The following ARHGAP8 variants were observed in gnomAD, a reference collection of about 807,000 sequenced individuals.
ARHGAP8 encodes the protein rho GTPase-activating protein 8.
Under a neutral mutation model 46.1 loss-of-function variants are expected in ARHGAP8, and 62 were observed. The observed-to-expected ratio is 1.34, with a 90% CI of 1.10 to 1.66. The LOEUF (loss-of-function observed/expected upper bound fraction) is 1.66, where lower values mean the gene tolerates loss of function less well. Ranked by LOEUF, ARHGAP8 falls within the 40% of genes most tolerant of loss-of-function variation. The pLI, the probability that ARHGAP8 is intolerant of heterozygous loss-of-function variation, is 0.00. For missense variants in ARHGAP8, 923 were observed against 568.4 expected (o/e 1.62, Z -6.34); for synonymous variants, 375 against 243.1 (o/e 1.54, Z -5.05).
chr22:44,841,268 C>T (rs558659181), intron 7 of ARHGAP8, among the ~76,000 whole-genome samples: 15 of 152,230 alleles, frequency 9.9e-5, no homozygotes, highest in South Asian at 8.3e-4. Flanking sequence ...AGTCTCTGTG[C>T]GAGCGTGATT....
intron 3 of ARHGAP8, among the ~76,000 whole-genome samples, chr22:44,804,634 G>T (rs1215581636): frequency 3.3e-5 from 5 of 152,206 alleles, no homozygotes; most frequent in African/African-American, 1.2e-4. Context: ...CGGGGAGGCT[G>T]TGCCTGCCAC....
At chr22:44,806,825 G>A (rs547755055) in intron 3 of ARHGAP8, among the ~76,000 whole-genome samples, 16 of 152,080 alleles carry the variant, frequency 1.1e-4, no homozygotes, top group Non-Finnish European at 1.5e-4. Context: ...TTAGCCGGGC[G>A]TGGTGGCAGG....
intron 1 of ARHGAP8, among the ~76,000 whole-genome samples, chr22:44,785,617 G>A (rs577815008): frequency 6.6e-6 from 1 of 152,256 alleles, no homozygotes; most frequent in Admixed American, 6.5e-5. Context: ...AGCTCCAGGA[G>A]GAATACTGGG....
At chr22:44,803,030 G>A (rs1389142765) in intron 3 of ARHGAP8, among the ~76,000 whole-genome samples, 2 of 152,278 alleles carry the variant, frequency 1.3e-5, no homozygotes, top group East Asian at 3.9e-4. Flanking sequence ...TGGCTCAGCA[G>A]GCATCTATTG....
At chr22:44,765,689 G>A (rs1925501480) in intron 1 of ARHGAP8, among the ~76,000 whole-genome samples, 1 of 152,182 alleles carries the variant, frequency 6.6e-6, no homozygotes. Flanking sequence ...AAGGACAGGA[G>A]CAGCCCTCGT....
intron 2 of ARHGAP8, among the ~76,000 whole-genome samples, chr22:44,796,166 C>A (rs2147068032): frequency 6.6e-6 from 1 of 152,314 alleles, no homozygotes; most frequent in Admixed American, 6.5e-5. Flanking sequence ...CCTCAGTGAC[C>A]AGGGGTCCCA....
At chr22:44,806,150 G>A (rs1356069347) in intron 3 of ARHGAP8, among the ~76,000 whole-genome samples, 1 of 152,208 alleles carries the variant, frequency 6.6e-6, no homozygotes, top group East Asian at 1.9e-4. Flanking sequence ...GTGAGGAGGA[G>A]TGAAGAGTTC....
chr22:44,807,110 C>T (rs951374536), intron 3 of ARHGAP8, among the ~76,000 whole-genome samples: 2 of 152,194 alleles, frequency 1.3e-5, no homozygotes, highest in Non-Finnish European at 2.9e-5. Flanking sequence ...CTTCTGTCTG[C>T]AGAGCACCCC....
intron 1 of ARHGAP8, among the ~76,000 whole-genome samples, chr22:44,763,984 T>G (rs1925355918): frequency 6.6e-6 from 1 of 151,922 alleles, no homozygotes; most frequent in Admixed American, 6.6e-5. Context: ...CTAATTTTTT[T>G]TGTATTTTTA....
intron 5 of ARHGAP8, among the ~76,000 whole-genome samples, chr22:44,816,923 T>TC (rs1469206826): frequency 2.0e-5 from 3 of 150,336 alleles, no homozygotes; most frequent in Non-Finnish European, 3.0e-5. Flanking sequence ...CTCGCTTTTG[T>TC]CCCCCAGGCT....
chr22:44,771,635 A>C (rs574292852), intron 1 of ARHGAP8, among the ~76,000 whole-genome samples: 1 of 151,116 alleles, frequency 6.6e-6, no homozygotes, highest in South Asian at 2.1e-4. Context: ...GCTCGCTGCA[A>C]CCTCTGCCTT....
chr22:44,862,317 C>T lies in ARHGAP8; in HGVS notation c.1024C>T (p.Leu342=), dbSNP rs773132835. 4.1e-5 allele frequency: 66 copies of T among 1,613,446 alleles called. No individual in the cohort carries two copies. In the South Asian group the frequency reaches 5.7e-4, roughly 14 times the overall value. ...SIFNKMNSSN[L]ACVFGLNLIW... is the part of the protein sequence containing the mutation. ...CTTCAACAAAATGAACAGCTCTAAC[C>T]TGGCCTGTGTCTTCGGGCTGAATTT... The change falls in exon 12 of 12, where the codon CTG becomes TTG. Residue 342 remains leucine (L), a synonymous_variant. Coordinates refer to ENST00000356099, the MANE Select transcript of ARHGAP8 (RefSeq NM_181335.3).
intron 3 of ARHGAP8, 108 bp from the exon 4 acceptor site, chr22:44,808,199 G>A (rs753933793): frequency 2.3e-5 from 35 of 1,506,636 alleles, no homozygotes; most frequent in South Asian, 1.2e-4. Context: ...CATGTGGCCC[G>A]GTGCTGGCAC....
intron 4 of ARHGAP8, among the ~76,000 whole-genome samples, chr22:44,810,476 G>A (rs572787271): frequency 3.8e-4 from 58 of 152,250 alleles, no homozygotes; most frequent in African/African-American, 1.2e-3. Flanking sequence ...TCCTGACCTC[G>A]TGATCCGCCT....
At chr22:44,764,034 G>C (rs1016441367) in intron 1 of ARHGAP8, among the ~76,000 whole-genome samples, 3 of 151,940 alleles carry the variant, frequency 2.0e-5, no homozygotes, top group African/African-American at 4.8e-5. Flanking sequence ...GGATGGTCTC[G>C]ATCTCCTGAC....
At chr22:44,788,787 G>T (rs1927462574) in intron 2 of ARHGAP8, among the ~76,000 whole-genome samples, 1 of 152,174 alleles carries the variant, frequency 6.6e-6, no homozygotes. Context: ...CGCTTAAAAA[G>T]ATAAAGCTCT....
chr22:44,859,891 G>T lies in ARHGAP8; in HGVS notation c.981+57G>T, dbSNP rs2213529. 446 of 1,580,642 alleles carry T rather than the reference G, an allele frequency of 2.8e-4. No individual in the cohort carries two copies. In the African/African-American group the frequency reaches 4.7e-3, roughly 17 times the overall value. ...GCCCAGTGGCCTTCCCTCCCATGCTGGGCCCGCATGGACCAGTCCCCTCCT... is the reference window on the plus strand; with the variant it reads ...GCCCAGTGGCCTTCCCTCCCATGCTTGGCCCGCATGGACCAGTCCCCTCCT... On this transcript the variant is annotated intron_variant, in intron 11 of 11. Transcript: ENST00000356099.
intron 10 of ARHGAP8, among the ~76,000 whole-genome samples, chr22:44,859,423 T>C (rs768282859): frequency 1.3e-5 from 2 of 152,210 alleles, no homozygotes; most frequent in South Asian, 4.1e-4. Context: ...TCTGCCATAA[T>C]TGGAAGCCTC....
rs544395113 is a variant in ARHGAP8, at chr22:44,842,085, G to A, written c.597-3184G>A. Among the ~76,000 whole-genome samples the A allele has an allele frequency of 8.5e-4, 129 of 152,330 alleles. No homozygotes were observed. In the South Asian group the frequency reaches 0.019, roughly 23 times the overall value. ...GGTTAAAACCAGGCACAGGCTTAGC[G>A]CAGTGGCTCATGCCTATAATCCCAG... On this transcript the variant is annotated intron_variant, in intron 7 of 11. Transcript: ENST00000356099.
Sources: allele counts gnomAD v4.1 joint callset (sites outside exome capture counted in the v4.1 genomes callset), GRCh38; gene constraint gnomAD v4.1.1; transcripts MANE v1.5; gene names NCBI Gene and HGNC (gene_info 2026-07-23, HGNC 2026-07-21).